The following ETV5 variants were observed in gnomAD, a reference collection of about 807,000 sequenced individuals.
The protein encoded by ETV5 is ETS translocation variant 5.
ETV5 carries 10 observed loss-of-function variants against 70.0 expected under a neutral mutation model. That is an observed-to-expected ratio of 0.14 (90% CI 0.09 to 0.24). The LOEUF is 0.24. ETV5 is among the 10% of genes least tolerant of loss of function. The pLI, the probability that ETV5 is intolerant of heterozygous loss-of-function variation, is 1.00. For synonymous variants in ETV5, 216 were observed against 242.2 expected (o/e 0.89, Z 1.01); for missense variants, 453 against 651.2 (o/e 0.70, Z 3.31).
At position 186,048,505 on chromosome 3, in the gene ETV5, C is replaced by T. The variant is rs115484532; in HGVS notation, c.*134G>A. On this transcript the variant is annotated 3_prime_UTR_variant, in exon 13 of 13. Coordinates refer to ENST00000306376, the MANE Select transcript of ETV5 (RefSeq NM_004454.3). ...GTCTTTAAGGGTGCCAATCCAGAGA[C>T]AGCTTGGGTTCTCCAGATAATACTC... 850 of 782,850 alleles carry T rather than the reference C, an allele frequency of 1.1e-3. 13 individuals are homozygous for T. In the African/African-American group the frequency reaches 0.013, roughly 12 times the overall value. 48.5% of individuals were successfully genotyped at this position (782,850 alleles called of 1,614,324 possible).
Position 186,097,995 on chromosome 3 carries a change from G to C in ETV5, c.232+7310C>G, listed in dbSNP as rs568981353. Among the ~76,000 whole-genome samples, 57 of 152,340 alleles carry C rather than the reference G, an allele frequency of 3.7e-4. 2 individuals carry two copies. The South Asian group carries it at 0.012, about 32-fold the overall frequency. On this transcript the variant is annotated intron_variant, in intron 5 of 12. Transcript: ENST00000306376. ...ATCTGCAGCTCTGCTAGCTGGGGCA[G>C]ACCTAATAGTGCTCAGCGCCCAGCT...
At chr3:186,104,339 G>A (rs930832783) in intron 5 of ETV5, among the ~76,000 whole-genome samples, 5 of 152,140 alleles carry the variant, frequency 3.3e-5, no homozygotes, top group African/African-American at 1.2e-4. Context: ...AGTGTTGAAA[G>A]CCATCTTTTG....
intron 5 of ETV5, among the ~76,000 whole-genome samples, chr3:186,092,457 A>G (rs1714203139): frequency 6.6e-6 from 1 of 152,140 alleles, no homozygotes; most frequent in Non-Finnish European, 1.5e-5. Flanking sequence ...TTTTAGAGAT[A>G]GGGTCTTGCT....
rs766017316 is a variant in ETV5, at chr3:186,064,528, A to C, written c.911-52T>G. On this transcript the variant is annotated intron_variant, in intron 8 of 12. Coordinates refer to ENST00000306376, the MANE Select transcript of ETV5 (RefSeq NM_004454.3). ...ATCCTGTCAATAGTTTCTGCAGCAG[A>C]AACAGCACATCGGTCAACTGCAGCT... 9 of 1,563,684 alleles carry C rather than the reference A, an allele frequency of 5.8e-6. No homozygotes were observed. In the East Asian group the frequency reaches 1.8e-4, roughly 31 times the overall value.
At chr3:186,084,144 CTG>C in intron 5 of ETV5, 1 of 430,770 alleles carries the variant, frequency 2.3e-6, no homozygotes, top group East Asian at 7.0e-5. Flanking sequence ...TAATTATACC[CTG>C]TGCTTTCAAA....
At chr3:186,080,132 T>C (rs1713896572) in intron 6 of ETV5, 28 bp from the exon 7 acceptor site, 2 of 1,454,232 alleles carry the variant, frequency 1.4e-6, no homozygotes, top group East Asian at 5.3e-5. Context: ...GAAGGAACCA[T>C]TAAGCTGAAA....
At position 186,057,001 on chromosome 3, in the gene ETV5, A is replaced by G. The variant is rs988230334; in HGVS notation, c.1209+74T>C. 14 of 1,547,088 alleles carry G rather than the reference A, an allele frequency of 9.0e-6. No homozygotes were observed. Among genetic ancestry groups the G allele is most frequent in the Admixed American group, 3.6e-5 (2 of 55,438 alleles). ...AGCAGACTTGACACAAAAAGCCTCA[A>G]TGGAAATCTAAACAAAAAACATCAT... is the stretch of plus-strand genomic sequence containing the variant. On this transcript the variant is annotated intron_variant, in intron 11 of 12. Transcript: ENST00000306376. The surrounding 1 kb of genome is among the most constrained non-coding windows in gnomAD (Gnocchi z 4.9).
chr3:186,057,233 G>T lies in ETV5; in HGVS notation c.1051C>A (p.Gln351Lys), dbSNP rs1179613734. 1 of 1,614,158 alleles carries T rather than the reference G, an allele frequency of 6.2e-7. No homozygotes were observed. The highest frequency in any genetic ancestry group is 1.7e-5 in the Admixed American group (1 of 60,034). Residue 351 changes from glutamine (Q) to lysine (K), a missense_variant, in exon 11 of 13, where the codon CAG becomes AAG. By Grantham distance (53) the Gln-to-Lys change is moderately conservative (BLOSUM62 1). This residue lies in a region of ETV5 where 307 missense variants were observed against 344.9 expected (regional missense o/e 0.89). Coordinates refer to ENST00000306376, the MANE Select transcript of ETV5 (RefSeq NM_004454.3). This position sits in a 1 kb window ranked among gnomAD's most constrained non-coding sequence, Gnocchi z 4.9. ...CCCTCTCGATACATGGTAGGCTCCT[G>T]TTTGACTTTGCCTGTTTGGGACAAG... The part of the protein sequence containing the change: ...VPERLEGKVK[Q>K]EPTMYREGPP...
At chr3:186,056,937 A>G in intron 11 of ETV5, 138 bp downstream of exon 11, 1 of 907,010 alleles carries the variant, frequency 1.1e-6, no homozygotes, top group Non-Finnish European at 1.6e-6. Flanking sequence ...GGATACAGCC[A>G]AGCCCACTGG....
At chr3:186,096,917 G>C (rs1404684055) in intron 5 of ETV5, among the ~76,000 whole-genome samples, 1 of 152,054 alleles carries the variant, frequency 6.6e-6, no homozygotes, top group African/African-American at 2.4e-5. Flanking sequence ...GTGGTGGCTC[G>C]AACCTGTAAT....
chr3:186,085,936 C>T (rs1354784839), intron 5 of ETV5, among the ~76,000 whole-genome samples: 2 of 152,200 alleles, frequency 1.3e-5, no homozygotes, highest in Non-Finnish European at 2.9e-5. Context: ...CTTCAGAAGA[C>T]CTGGCATCTT....
chr3:186,100,075 T>C (rs1039025600), intron 5 of ETV5, among the ~76,000 whole-genome samples: 5 of 152,216 alleles, frequency 3.3e-5, no homozygotes, highest in Admixed American at 2.6e-4. Context: ...CTAAGAATCT[T>C]TGAGGCTATC....
intron 12 of ETV5, among the ~76,000 whole-genome samples, chr3:186,051,529 C>T (rs907271521): frequency 4.6e-5 from 7 of 152,200 alleles, no homozygotes; most frequent in African/African-American, 1.4e-4. Flanking sequence ...ATTCTACAAA[C>T]GTTGGGTTTT....
chr3:186,090,489 C>T (rs1714155404), intron 5 of ETV5, among the ~76,000 whole-genome samples: 1 of 152,206 alleles, frequency 6.6e-6, no homozygotes, highest in Non-Finnish European at 1.5e-5. Context: ...CTATCAGTAA[C>T]TATATTCATA....
chr3:186,074,859 CAAAAAAA>C (rs747453303), intron 7 of ETV5, among the ~76,000 whole-genome samples: 3,503 of 76,534 alleles, frequency 0.046, 121 homozygotes, highest in African/African-American at 0.13. Context: ...ACTCTGTCTC[CAAAAAAA>C]AAAAAAAAAA....
intron 8 of ETV5, 121 bp downstream of exon 8, chr3:186,065,691 TA>T: frequency 1.6e-6 from 2 of 1,229,924 alleles, no homozygotes; most frequent in South Asian, 1.6e-5. Context: ...GCAATTCTTA[TA>T]AAAATTATAA....
chr3:186,049,221 A>G (rs1370654151), intron 12 of ETV5, among the ~76,000 whole-genome samples: 1 of 152,220 alleles, frequency 6.6e-6, no homozygotes, highest in East Asian at 1.9e-4. Flanking sequence ...GCCTGACCAC[A>G]TTTTTAGTCA....
chr3:186,081,287 T>A lies in ETV5; in HGVS notation c.233-112A>T, dbSNP rs1005888939. The A allele has an allele frequency of 4.5e-6, 5 of 1,118,672 alleles. No individual in the cohort carries two copies. The Admixed American group carries it at 9.2e-5, about 21-fold the overall frequency. The allele number at this position is 1,118,672 out of a possible 1,614,324, so 69.3% of individuals were successfully genotyped here. On this transcript the variant is annotated intron_variant, in intron 5 of 12. Transcript: ENST00000306376. The stretch of plus-strand genomic sequence containing the variant: ...ACTAGCTGATTGTTCTTGGAACTCA[T>A]GTCAAGTCACATGTCAGAAAAAGCA...
At chr3:186,087,722 G>C (rs892881523) in intron 5 of ETV5, among the ~76,000 whole-genome samples, 1 of 152,162 alleles carries the variant, frequency 6.6e-6, no homozygotes, top group African/African-American at 2.4e-5. Context: ...GACTGTTCAA[G>C]GCGGCCACCC....
Sources: allele counts gnomAD v4.1 joint callset (sites outside exome capture counted in the v4.1 genomes callset), GRCh38; gene constraint gnomAD v4.1.1; regional missense constraint gnomAD v4.1.1; non-coding constraint Gnocchi (gnomAD v3.1); transcripts MANE v1.5; gene names NCBI Gene and HGNC (gene_info 2026-07-23, HGNC 2026-07-21).